The following KCNQ1 variants were observed in gnomAD, a reference collection of about 807,000 sequenced individuals.
KCNQ1 encodes the protein potassium voltage-gated channel subfamily KQT member 1.
KCNQ1 carries 49 observed loss-of-function variants against 72.4 expected under a neutral mutation model. The ratio of observed to expected loss-of-function variants is 0.68; its 90% CI spans 0.54 to 0.86. KCNQ1 has a LOEUF of 0.86. KCNQ1 is among the 40% of genes least tolerant of loss of function. KCNQ1 has a pLI of 0.00. For missense variants in KCNQ1, 790 were observed against 945.1 expected (o/e 0.84, Z 2.15); for synonymous variants, 450 against 412.6 (o/e 1.09, Z -1.10).
In KCNQ1 at chr11:2,563,776, C is replaced by T. The variant is rs561042498; in HGVS notation, c.478-6852C>T. 8.8e-4 allele frequency among the ~76,000 whole-genome samples: 134 copies of T among 152,348 alleles called. No homozygotes were observed. Among genetic ancestry groups the T allele is most frequent in the Non-Finnish European group, 1.6e-3 (112 of 68,038 alleles). ...CTTGCCTGTGTTTTTCCACCCAGGG[C>T]CCTTTGCACTGCCTGCTATTTGTTT... On this transcript the variant is annotated intron_variant, in intron 2 of 15. Transcript: ENST00000155840. The surrounding 1 kb of genome is among the most constrained non-coding windows in gnomAD (Gnocchi z 7.4).
At chr11:2,569,988 T>A (rs1394825719) in intron 2 of KCNQ1, among the ~76,000 whole-genome samples, 1 of 152,162 alleles carries the variant, frequency 6.6e-6, no homozygotes, top group Non-Finnish European at 1.5e-5. Context: ...AAGGGCAAAG[T>A]GATCCAGAGG....
rs914297938 is a variant in KCNQ1, at chr11:2,671,165, T to A, written c.1514+9084T>A. The stretch of plus-strand genomic sequence containing the variant: ...GAGGCCTGAGGTGCCATCTTAGAAA[T>A]AGGGCCTTGTTAGGAGAAAAGGAAA... On this transcript the variant is annotated intron_variant, in intron 11 of 15. Coordinates refer to ENST00000155840, the MANE Select transcript of KCNQ1 (RefSeq NM_000218.3). This position sits in a 1 kb window ranked among gnomAD's most constrained non-coding sequence, Gnocchi z 4.7. The A allele has an allele frequency of 2.5e-6, 1 of 398,354 alleles. No homozygotes were observed. The highest frequency in any genetic ancestry group is 2.1e-5 in the African/African-American group (1 of 48,542). The allele number at this position is 398,354 out of a possible 1,614,324, so 24.7% of individuals were successfully genotyped here. A position where few individuals can be genotyped will look rare whatever the true frequency, so the allele number is the denominator to read the frequency against.
intron 1 of KCNQ1, among the ~76,000 whole-genome samples, chr11:2,465,771 T>A (rs1477720215): frequency 6.6e-6 from 1 of 152,194 alleles, no homozygotes; most frequent in East Asian, 1.9e-4. Flanking sequence ...AGAGCCTGTG[T>A]TCCGGGCAGG....
Position 2,583,565 on chromosome 11 carries a change from G to A in KCNQ1, c.1032+20G>A, listed in dbSNP as rs765216228. On this transcript the variant is annotated intron_variant, in intron 7 of 15. Coordinates refer to ENST00000155840, the MANE Select transcript of KCNQ1 (RefSeq NM_000218.3). ...CCAGCGGTAGGTGCCCCGTGGGTGC[G>A]TTTTCCCTGGCTCCTTGGACAGCTG... is the stretch of plus-strand genomic sequence containing the variant. The A allele has an allele frequency of 3.5e-5, 54 of 1,546,998 alleles. No individual in the cohort carries two copies. The South Asian group carries it at 3.8e-4, about 11-fold the overall frequency.
chr11:2,720,531 G>C lies in KCNQ1; in HGVS notation c.1515-48313G>C, dbSNP rs1851185077. 2.6e-5 allele frequency among the ~76,000 whole-genome samples: 4 copies of C among 152,192 alleles called. No homozygotes were observed. Among genetic ancestry groups the C allele is most frequent in the Admixed American group, 2.6e-4 (4 of 15,284 alleles). Reference sequence around the variant, plus strand: ...GGGGAGAGGGACCCAGGGCTGACCAGAGCAAGCAGTGTGCCATTAACCCCT... The same window carrying C: ...GGGGAGAGGGACCCAGGGCTGACCACAGCAAGCAGTGTGCCATTAACCCCT... On this transcript the variant is annotated intron_variant, in intron 11 of 15. Coordinates refer to ENST00000155840, the MANE Select transcript of KCNQ1 (RefSeq NM_000218.3). This position sits in a 1 kb window ranked among gnomAD's most constrained non-coding sequence, Gnocchi z 5.1.
At chr11:2,581,344 G>A (rs965128631) in intron 6 of KCNQ1, among the ~76,000 whole-genome samples, 4 of 152,212 alleles carry the variant, frequency 2.6e-5, no homozygotes, top group Non-Finnish European at 4.4e-5. Flanking sequence ...CAGGGTCTCC[G>A]ATGCCCCGCC....
rs769230282 is a variant in KCNQ1, at chr11:2,583,512, T to G, written c.999T>G (p.Ser333=). ...WVGKTIASCF[S]VFAISFFALP... is the part of the protein sequence containing the mutation. ...GGAAGACCATCGCCTCCTGCTTCTC[T>G]GTCTTTGCCATCTCCTTCTTTGCGC... is the stretch of plus-strand genomic sequence containing the variant. The change falls in exon 7 of 16, where the codon TCT becomes TCG. Residue 333 remains serine, a synonymous_variant. Coordinates refer to ENST00000155840, the MANE Select transcript of KCNQ1 (RefSeq NM_000218.3). 1.5e-5 allele frequency: 24 copies of G among 1,613,904 alleles called. No homozygotes were observed. The highest frequency in any genetic ancestry group is 2.2e-5 in the South Asian group (2 of 91,088).
intron 1 of KCNQ1, among the ~76,000 whole-genome samples, chr11:2,521,309 C>T (rs993099175): frequency 2.6e-5 from 4 of 152,166 alleles, no homozygotes; most frequent in Admixed American, 6.5e-5. Context: ...CCCCGCTGTC[C>T]GCTTCCCTGC....
At chr11:2,765,973 T>G (rs983511651) in intron 11 of KCNQ1, among the ~76,000 whole-genome samples, 1 of 152,214 alleles carries the variant, frequency 6.6e-6, no homozygotes, top group Non-Finnish European at 1.5e-5. Flanking sequence ...CCTTTAAGTC[T>G]ATTTTCTTTT....
At chr11:2,582,118 C>T (rs1848508580) in intron 6 of KCNQ1, among the ~76,000 whole-genome samples, 4 of 152,208 alleles carry the variant, frequency 2.6e-5, no homozygotes, top group South Asian at 4.1e-4. Flanking sequence ...ACGTGCTCAT[C>T]GGTACAGCCT....
chr11:2,798,097 C>T (rs1847175358), intron 15 of KCNQ1, among the ~76,000 whole-genome samples: 3 of 152,198 alleles, frequency 2.0e-5, no homozygotes, highest in Admixed American at 2.0e-4. Context: ...CTCCTCAACC[C>T]TGAGAGCAGC....
Position 2,481,665 on chromosome 11 carries a change from C to A in KCNQ1, c.386+36181C>A, listed in dbSNP as rs370251472. Among the ~76,000 whole-genome samples the A allele has an allele frequency of 6.6e-6, 1 of 152,164 alleles. No homozygotes were observed. The highest frequency in any genetic ancestry group is 1.9e-4 in the East Asian group (1 of 5,194). ...GCTCTGCCTCCTATCAGATCAGTGG[C>A]GGCATTAGATTCTCACAGGGGTGTG... On this transcript the variant is annotated intron_variant, in intron 1 of 15. Transcript: ENST00000155840. This position sits in a 1 kb window ranked among gnomAD's most constrained non-coding sequence, Gnocchi z 4.6.
Position 2,559,657 on chromosome 11 carries a change from T to G in KCNQ1, c.478-10971T>G, listed in dbSNP as rs1848130149. On this transcript the variant is annotated intron_variant, in intron 2 of 15. Transcript: ENST00000155840. This position sits in a 1 kb window ranked among gnomAD's most constrained non-coding sequence, Gnocchi z 4.9. ...CAGGAAGAAGACACGTCCGGGCAGC[T>G]GGCAGGTGGGGCTAGTTCTGGAGGG... 6.6e-6 allele frequency among the ~76,000 whole-genome samples: 1 copy of G among 152,152 alleles called. No homozygotes were observed.
intron 6 of KCNQ1, among the ~76,000 whole-genome samples, chr11:2,578,653 G>A (rs1848455822): frequency 6.6e-6 from 1 of 152,360 alleles, no homozygotes; most frequent in African/African-American, 2.4e-5. Context: ...AATGGCTGTG[G>A]CCGCATGGGA....
In KCNQ1 at chr11:2,613,126, T is replaced by C. The variant is rs1849008170; in HGVS notation, c.1393+24272T>C. The C allele has an allele frequency of 5.0e-6, 2 of 398,550 alleles. No homozygotes were observed. Among genetic ancestry groups the C allele is most frequent in the Non-Finnish European group, 8.8e-6 (2 of 226,106 alleles). The allele number at this position is 398,550 out of a possible 1,614,324, so 24.7% of individuals were successfully genotyped here. ...TTAAACATCTTGAGCCAGTGAATCT[T>C]CCACCCTCTGCTGAGGGGATCTATG... On this transcript the variant is annotated intron_variant, in intron 10 of 15. Coordinates refer to ENST00000155840, the MANE Select transcript of KCNQ1 (RefSeq NM_000218.3). The surrounding 1 kb of genome is among the most constrained non-coding windows in gnomAD (Gnocchi z 4.8).
At chr11:2,733,814 A>ACACACACACACT in intron 11 of KCNQ1, among the ~76,000 whole-genome samples, 6 of 86,654 alleles carry the variant, frequency 6.9e-5, no homozygotes, top group South Asian at 3.9e-4. Context: ...ACACACACAC[A>ACACACACACACT]CTCTCTCACT....
rs533589909 is a variant in KCNQ1, at chr11:2,531,281, C to T, written c.477+3263C>T. On this transcript the variant is annotated intron_variant, in intron 2 of 15. Coordinates refer to ENST00000155840, the MANE Select transcript of KCNQ1 (RefSeq NM_000218.3). ...AGACGTGCCCTGGGCTCCACATGCC[C>T]GTCTGCAGCTCGAGAATTAGACGTG... Among the ~76,000 whole-genome samples the T allele has an allele frequency of 1.3e-4, 20 of 151,932 alleles. No homozygotes were observed. The South Asian group carries it at 4.0e-3, about 30-fold the overall frequency.
At chr11:2,528,726 C>T (rs961899483) in intron 2 of KCNQ1, among the ~76,000 whole-genome samples, 41 of 152,168 alleles carry the variant, frequency 2.7e-4, no homozygotes, top group African/African-American at 9.9e-4. Flanking sequence ...CCTGTCTTGT[C>T]GTGGAATAGT....
At chr11:2,776,688 G>A (rs1400526985) in intron 13 of KCNQ1, among the ~76,000 whole-genome samples, 1 of 152,176 alleles carries the variant, frequency 6.6e-6, no homozygotes, top group Non-Finnish European at 1.5e-5. Context: ...ACAGGCGAGG[G>A]GTCAGGCTGC....
Sources: allele counts gnomAD v4.1 joint callset (sites outside exome capture counted in the v4.1 genomes callset), GRCh38; gene constraint gnomAD v4.1.1; non-coding constraint Gnocchi (gnomAD v3.1); transcripts MANE v1.5; gene names NCBI Gene and HGNC (gene_info 2026-07-23, HGNC 2026-07-21).